RPTOR: variants seen among roughly 807,000 people sequenced by gnomAD.
RPTOR encodes the protein regulatory-associated protein of mTOR.
A neutral mutation model predicts 169.9 loss-of-function variants in RPTOR; 21 were observed. The observed-to-expected ratio is 0.12, with a 90% CI of 0.09 to 0.18. The LOEUF (loss-of-function observed/expected upper bound fraction) is 0.18, where lower values mean the gene tolerates loss of function less well. RPTOR is among the 10% of genes least tolerant of loss of function. The pLI, the probability that RPTOR is intolerant of heterozygous loss-of-function variation, is 1.00. For synonymous variants in RPTOR, 732 were observed against 753.2 expected, an observed-to-expected ratio of 0.97 and a Z score of 0.46; for missense variants, 1,133 against 1,855.9, an observed-to-expected ratio of 0.61 and a Z score of 7.16.
At chr17:80,677,008 C>T (rs1439077631) in intron 3 of RPTOR, among the ~76,000 whole-genome samples, 1 of 152,174 alleles carries the variant, frequency 6.6e-6, no homozygotes, top group African/African-American at 2.4e-5. Context: ...ACTTCGGTTC[C>T]CACCTCCTGA....
At chr17:80,733,444 C>G (rs1299388103) in intron 5 of RPTOR, among the ~76,000 whole-genome samples, 1 of 152,098 alleles carries the variant, frequency 6.6e-6, no homozygotes. Flanking sequence ...AGTCCCTGGC[C>G]CCACGCTTTC....
rs193287889 is a variant in RPTOR at position 80,756,022 on chromosome 17, G to C, written c.830+1837G>C. On this transcript the variant is annotated intron_variant, in intron 6 of 33. Coordinates refer to ENST00000306801, the MANE Select transcript of RPTOR (RefSeq NM_020761.3). ...ACATACAATCAAAGAAATAAAGGAAGACACCTGTAACAAGATGTGAGAACA... is the reference window on the plus strand; with the variant it reads ...ACATACAATCAAAGAAATAAAGGAACACACCTGTAACAAGATGTGAGAACA... 6.9e-4 allele frequency among the ~76,000 whole-genome samples: 105 copies of C among 152,328 alleles called. No homozygotes were observed. In the East Asian group the frequency reaches 0.019, roughly 27 times the overall value.
chr17:80,612,454 C>T (rs916271349), intron 1 of RPTOR, among the ~76,000 whole-genome samples: 1 of 152,170 alleles, frequency 6.6e-6, no homozygotes, highest in Admixed American at 6.5e-5. Context: ...AATGTTTACT[C>T]TGTCTTCACA....
intron 1 of RPTOR, among the ~76,000 whole-genome samples, chr17:80,596,965 C>T (rs950209718): frequency 6.7e-4 from 102 of 152,238 alleles, no homozygotes; most frequent in African/African-American, 2.1e-3. Context: ...GCTGGACAGC[C>T]GATTCGTTCA....
At chr17:80,948,183 C>G (rs552369919) in intron 27 of RPTOR, among the ~76,000 whole-genome samples, 2 of 152,358 alleles carry the variant, frequency 1.3e-5, no homozygotes, top group Admixed American at 6.5e-5. Flanking sequence ...CTGTCCCTGT[C>G]GGCCGCAGCC....
At chr17:80,777,131 G>A (rs1465099435) in intron 6 of RPTOR, among the ~76,000 whole-genome samples, 1 of 152,050 alleles carries the variant, frequency 6.6e-6, no homozygotes, top group Non-Finnish European at 1.5e-5. Context: ...CATCTACTGG[G>A]GAGGCTGAGG....
At chr17:80,702,873 G>A (rs1228060683) in intron 3 of RPTOR, among the ~76,000 whole-genome samples, 1 of 152,210 alleles carries the variant, frequency 6.6e-6, no homozygotes, top group Non-Finnish European at 1.5e-5. Flanking sequence ...GTGGAGCTGT[G>A]ACTTCAGCAA....
At chr17:80,907,406 G>A (rs751802885) in intron 20 of RPTOR, among the ~76,000 whole-genome samples, 2 of 152,238 alleles carry the variant, frequency 1.3e-5, no homozygotes, top group African/African-American at 2.4e-5. Flanking sequence ...CCTGGTGCCC[G>A]CAGGCAGGGG....
intron 17 of RPTOR, among the ~76,000 whole-genome samples, chr17:80,889,102 G>T (rs1287145856): frequency 6.6e-6 from 1 of 152,258 alleles, no homozygotes; most frequent in Non-Finnish European, 1.5e-5. Context: ...TCGCCCAGCT[G>T]CAGGGACGGC....
chr17:80,795,642 G>A (rs1422855802), intron 7 of RPTOR, among the ~76,000 whole-genome samples: 1 of 152,036 alleles, frequency 6.6e-6, no homozygotes, highest in Non-Finnish European at 1.5e-5. Flanking sequence ...TTAGGGATTC[G>A]GGGTACGAGG....
chr17:80,798,821 AC>A (rs909389075), intron 7 of RPTOR, among the ~76,000 whole-genome samples: 4 of 152,204 alleles, frequency 2.6e-5, no homozygotes, highest in Non-Finnish European at 5.9e-5. Flanking sequence ...TTTAATAAAA[AC>A]GTTTGTGCAT....
rs1159476577 is a variant in RPTOR, at chr17:80,708,624, T to TTGTCC, written c.507+625_507+626insTGTCC. On this transcript the variant is annotated intron_variant, in intron 4 of 33. Coordinates refer to ENST00000306801, the MANE Select transcript of RPTOR (RefSeq NM_020761.3). This position sits in a 1 kb window ranked among gnomAD's most constrained non-coding sequence, Gnocchi z 4.2. ...TCCAGGGTGTGGTGGGTGCTGACTGTCTCCTCATCCTCCAGGGTGTGGTGG... is the reference window on the plus strand; with the variant it reads ...TCCAGGGTGTGGTGGGTGCTGACTGTTGTCCCTCCTCATCCTCCAGGGTGTGGTGG... Among the ~76,000 whole-genome samples the TTGTCC allele has an allele frequency of 8.7e-6, 1 of 115,394 alleles. No individual in the cohort carries two copies. Among genetic ancestry groups the TTGTCC allele is most frequent in the Non-Finnish European group, 1.8e-5 (1 of 55,850 alleles). The allele number at this position is 115,394 out of a possible 152,430, so 75.7% of individuals were successfully genotyped here.
In RPTOR at chr17:80,923,520, C is replaced by T. The variant is rs753214316; in HGVS notation, c.2655C>T (p.Ser885=). The change falls in exon 23 of 34, where the codon AGC becomes AGT. Residue 885 remains serine, a synonymous_variant. Coordinates refer to ENST00000306801, the MANE Select transcript of RPTOR (RefSeq NM_020761.3). ...CCCCTCCGGCGTCCAGCACCAGCAG[C>T]TCCAGCCTGACCAACGATGTGGCCA... The part of the protein sequence containing the change: ...GGSPPASSTS[S]SSLTNDVAKQ... 37 of 1,613,290 alleles carry T rather than the reference C, an allele frequency of 2.3e-5. No homozygotes were observed. Among genetic ancestry groups the T allele is most frequent in the Non-Finnish European group, 3.0e-5 (35 of 1,179,996 alleles).
chr17:80,554,379 G>A (rs1295324618), intron 1 of RPTOR, among the ~76,000 whole-genome samples: 1 of 151,950 alleles, frequency 6.6e-6, no homozygotes, highest in Non-Finnish European at 1.5e-5. Context: ...ATGTATCTTT[G>A]TGAGGCCAGA....
intron 1 of RPTOR, among the ~76,000 whole-genome samples, chr17:80,579,188 T>G (rs2064992870): frequency 1.3e-5 from 2 of 151,980 alleles, no homozygotes; most frequent in South Asian, 4.2e-4. Context: ...ATTTATTTGT[T>G]TATTTATTTA....
chr17:80,865,412 T>A (rs2067975184), intron 13 of RPTOR, among the ~76,000 whole-genome samples: 1 of 152,148 alleles, frequency 6.6e-6, no homozygotes, highest in African/African-American at 2.4e-5. Context: ...AATGTACTTT[T>A]GGCATAAAGA....
chr17:80,827,272 G>A (rs1006682561), intron 9 of RPTOR, among the ~76,000 whole-genome samples: 6 of 152,228 alleles, frequency 3.9e-5, no homozygotes, highest in African/African-American at 7.2e-5. Flanking sequence ...CACTAGGGAG[G>A]GCACTAGCCA....
intron 20 of RPTOR, among the ~76,000 whole-genome samples, chr17:80,907,424 G>A (rs1484404226): frequency 1.3e-5 from 2 of 152,370 alleles, no homozygotes; most frequent in Non-Finnish European, 1.5e-5. Context: ...GGGAGGCAGC[G>A]CCTGGCCCCG....
intron 11 of RPTOR, among the ~76,000 whole-genome samples, chr17:80,853,204 C>T (rs912739883): frequency 2.0e-5 from 3 of 152,074 alleles, no homozygotes; most frequent in East Asian, 1.9e-4. Context: ...ATGCCGTCGG[C>T]GGGGCCTTTC....
Sources: allele counts gnomAD v4.1 joint callset (sites outside exome capture counted in the v4.1 genomes callset), GRCh38; gene constraint gnomAD v4.1.1; non-coding constraint Gnocchi (gnomAD v3.1); transcripts MANE v1.5; gene names NCBI Gene and HGNC (gene_info 2026-07-23, HGNC 2026-07-21).